GRAMD4: variants seen among roughly 807,000 people sequenced by gnomAD.
GRAMD4 encodes the protein GRAM domain containing 4, also known as GRAM domain-containing protein 4.
In GRAMD4, 25 loss-of-function variants were observed where a neutral mutation model predicts 83.9. The observed-to-expected ratio is 0.30, with a 90% CI of 0.22 to 0.42. The LOEUF is 0.42. Among genes scored for constraint, GRAMD4 ranks in the 10% least tolerant of loss-of-function variants. The pLI is 1.00. For synonymous variants in GRAMD4, 336 were observed against 320.9 expected (o/e 1.05, Z -0.50); for missense variants, 593 against 788.7 (o/e 0.75, Z 2.97).
chr22:46,677,498 T>G lies in GRAMD4; in HGVS notation c.*247T>G. On this transcript the variant is annotated 3_prime_UTR_variant, in exon 19 of 19. Coordinates refer to ENST00000406902, the MANE Select transcript of GRAMD4 (RefSeq NM_015124.5). Reference sequence around the variant, plus strand: ...GTGCCTCTGAGGGCCACCCGCAGACTGGGGGAGGGGGCAGAGGCCCTCGGG... The same window carrying G: ...GTGCCTCTGAGGGCCACCCGCAGACGGGGGGAGGGGGCAGAGGCCCTCGGG... 7.8e-7 allele frequency: 1 copy of G among 1,274,218 alleles called. No homozygotes were observed. The highest frequency in any genetic ancestry group is 9.9e-7 in the Non-Finnish European group (1 of 1,005,962). The allele number at this position is 1,274,218 out of a possible 1,614,324, so 78.9% of individuals were successfully genotyped here.
chr22:46,660,185 T>C (rs1340030810), intron 4 of GRAMD4, among the ~76,000 whole-genome samples: 1 of 152,144 alleles, frequency 6.6e-6, no homozygotes, highest in Non-Finnish European at 1.5e-5. Flanking sequence ...GGGAGCCCCA[T>C]CTCGCACAGT....
intron 3 of GRAMD4, among the ~76,000 whole-genome samples, chr22:46,652,680 C>T (rs774067632): frequency 1.4e-4 from 22 of 152,182 alleles, no homozygotes; most frequent in Admixed American, 2.0e-4. Context: ...AGGCCCACTC[C>T]GGAGGCCGAG....
At chr22:46,588,570 C>A (rs1204029657) in intron 1 of GRAMD4, among the ~76,000 whole-genome samples, 3 of 152,352 alleles carry the variant, frequency 2.0e-5, no homozygotes, top group South Asian at 4.1e-4. Flanking sequence ...CTGTCCCTCG[C>A]AGTCTTAGCC....
downstream of GRAMD4, among the ~76,000 whole-genome samples, chr22:46,680,741 C>T (rs1376309169): frequency 6.0e-4 from 43 of 71,364 alleles, no homozygotes; most frequent in African/African-American, 8.6e-4. Flanking sequence ...CATCCACCCA[C>T]CCATCCATCC....
At chr22:46,594,231 A>G (rs2081238219) in intron 1 of GRAMD4, among the ~76,000 whole-genome samples, 1 of 149,874 alleles carries the variant, frequency 6.7e-6, no homozygotes, top group African/African-American at 2.5e-5. Context: ...CCACCACCCT[A>G]TGCACACCTT....
At position 46,646,804 on chromosome 22, in the gene GRAMD4, A is replaced by G. The variant is rs2082078737; in HGVS notation, c.283+8844A>G. On this transcript the variant is annotated intron_variant, in intron 3 of 18. Coordinates refer to ENST00000406902, the MANE Select transcript of GRAMD4 (RefSeq NM_015124.5). ...AAGACATACCTGAGACTGGCGCTTT[A>G]CAAACAAAAGCGGTTTAATGGACTC... 2.0e-5 allele frequency among the ~76,000 whole-genome samples: 3 copies of G among 152,210 alleles called. No individual in the cohort carries two copies. In the South Asian group the frequency reaches 6.2e-4, roughly 31 times the overall value.
chr22:46,579,462 C>G (rs374965788), intron 1 of GRAMD4, among the ~76,000 whole-genome samples: 1 of 152,220 alleles, frequency 6.6e-6, no homozygotes, highest in Non-Finnish European at 1.5e-5. Flanking sequence ...CCTAGTGAGC[C>G]TCTGCTGCCA....
intron 4 of GRAMD4, among the ~76,000 whole-genome samples, chr22:46,660,306 A>G (rs2082308455): frequency 6.6e-6 from 1 of 152,086 alleles, no homozygotes; most frequent in Admixed American, 6.5e-5. Flanking sequence ...CCTGCTTTAC[A>G]TGGGGGCGGC....
intron 1 of GRAMD4, among the ~76,000 whole-genome samples, chr22:46,598,569 G>T (rs2081283595): frequency 1.3e-5 from 2 of 151,848 alleles, no homozygotes; most frequent in African/African-American, 4.8e-5. Context: ...GTGATTTGCT[G>T]ACTGCCGGCT....
chr22:46,628,491 T>TGCG (rs397745708), intron 2 of GRAMD4, among the ~76,000 whole-genome samples: 5,515 of 70,332 alleles, frequency 0.078, 913 homozygotes, highest in East Asian at 0.29. Context: ...ACTGAGTGCG[T>TGCG]TGGTGTCTGA....
At chr22:46,648,959 G>C (rs1428879125) in intron 3 of GRAMD4, among the ~76,000 whole-genome samples, 2 of 150,214 alleles carry the variant, frequency 1.3e-5, no homozygotes, top group East Asian at 2.0e-4. Context: ...TGGATGGATG[G>C]ATGGATGGAT....
chr22:46,624,579 G>C lies in GRAMD4; in HGVS notation c.-49-2172G>C, dbSNP rs559018434. Among the ~76,000 whole-genome samples the C allele has an allele frequency of 2.6e-5, 4 of 152,134 alleles. No homozygotes were observed. The East Asian group carries it at 5.8e-4, about 22-fold the overall frequency. Reference sequence around the variant, plus strand: ...CTGCCCTCGTGATCCGCCTACCTTGGCCTCCCAAAGTGCTGGGATTACAGG... The same window carrying C: ...CTGCCCTCGTGATCCGCCTACCTTGCCCTCCCAAAGTGCTGGGATTACAGG... On this transcript the variant is annotated intron_variant, in intron 1 of 18. Transcript: ENST00000406902.
intron 3 of GRAMD4, among the ~76,000 whole-genome samples, chr22:46,653,959 C>G (rs925072496): frequency 6.6e-6 from 1 of 152,182 alleles, no homozygotes; most frequent in Non-Finnish European, 1.5e-5. Context: ...TGGAAACACC[C>G]CGTGGCTCTC....
chr22:46,644,753 G>T (rs1388063193), intron 3 of GRAMD4, among the ~76,000 whole-genome samples: 46 of 128,810 alleles, frequency 3.6e-4, no homozygotes, highest in African/African-American at 1.3e-3. Flanking sequence ...TTGTTTTTGA[G>T]ATAGGGTCTC....
In GRAMD4 at chr22:46,612,195, C is replaced by T. The variant is rs1312659719; in HGVS notation, c.-49-14556C>T. Among the ~76,000 whole-genome samples the T allele has an allele frequency of 2.6e-5, 4 of 151,798 alleles. No homozygotes were observed. In the East Asian group the frequency reaches 5.8e-4, roughly 22 times the overall value. On this transcript the variant is annotated intron_variant, in intron 1 of 1. Coordinates refer to the GRAMD4 transcript ENST00000431155. ...ACTTATCTTTTATTTTTCGTAGAGG[C>T]GGGGTCTTGCCGTGTTGTCTGGGCT...
At chr22:46,628,897 G>C (rs2081720463) in intron 2 of GRAMD4, among the ~76,000 whole-genome samples, 1 of 152,080 alleles carries the variant, frequency 6.6e-6, no homozygotes, top group South Asian at 2.1e-4. Context: ...TAGCGGTGTT[G>C]CTGGCGTCAC....
downstream of GRAMD4, among the ~76,000 whole-genome samples, chr22:46,680,724 A>G (rs1260938309): frequency 9.7e-6 from 1 of 103,048 alleles, no homozygotes; most frequent in Non-Finnish European, 1.9e-5. Flanking sequence ...CCACCCACCC[A>G]CCCATCCATC....
intron 6 of GRAMD4, 42 bp from the exon 7 acceptor site, chr22:46,663,796 G>A (rs762078679): frequency 6.2e-7 from 1 of 1,607,924 alleles, no homozygotes; most frequent in Admixed American, 1.7e-5. Flanking sequence ...GAGCCGGCGG[G>A]TGCATTAACC....
rs201128265 is a variant in GRAMD4 at position 46,669,565 on chromosome 22, GTCTC to G, written c.1084+669_1084+672del. Among the ~76,000 whole-genome samples the G allele has an allele frequency of 8.7e-5, 13 of 150,020 alleles. No individual in the cohort carries two copies. In the East Asian group the frequency reaches 1.4e-3, roughly 16 times the overall value. On this transcript the variant is annotated intron_variant, in intron 13 of 18. Transcript: ENST00000406902. ...TGTCTTTCTCCTTTTCTTTGTTTTT[GTCTC>G]TCTCTCTCTCTTTTTTTTTTTTTGG...
Sources: gnomAD v4.1 joint callset for allele counts (sites outside exome capture counted in the v4.1 genomes callset) on GRCh38, gnomAD v4.1.1 for gene constraint, MANE v1.5 for transcripts, NCBI Gene and HGNC (gene_info 2026-07-23, HGNC 2026-07-21) for gene names.